The following KCNMA1 variants were observed in gnomAD, a reference collection of about 807,000 sequenced individuals.
The protein encoded by KCNMA1 is Calcium-activated potassium channel subunit alpha-1.
A neutral mutation model predicts 140.0 loss-of-function variants in KCNMA1; 29 were observed. The ratio of observed to expected loss-of-function variants is 0.21; its 90% CI spans 0.15 to 0.28. The LOEUF is 0.28. Ranked by LOEUF, KCNMA1 falls within the 10% of genes least tolerant of loss-of-function variation. The probability of loss-of-function intolerance (pLI) is 1.00; values close to 1 mark genes in which losing one functional copy is unlikely to be tolerated. For synonymous variants in KCNMA1, 612 were observed against 611.9 expected (o/e 1.00, Z 0.00); for missense variants, 880 against 1,602.2 (o/e 0.55, Z 7.70).
chr10:77,087,199 C>T (rs2096711602), intron 10 of KCNMA1, among the ~76,000 whole-genome samples: 1 of 152,140 alleles, frequency 6.6e-6, no homozygotes, highest in Non-Finnish European at 1.5e-5. Flanking sequence ...GGCTCTATGA[C>T]TCTCTGGCCC....
At chr10:76,934,781 T>C (rs574965781) in intron 23 of KCNMA1, among the ~76,000 whole-genome samples, 1 of 152,374 alleles carries the variant, frequency 6.6e-6, no homozygotes, top group Non-Finnish European at 1.5e-5. Flanking sequence ...ATTCTACAGC[T>C]GTGGTTTCCC....
intron 1 of KCNMA1, among the ~76,000 whole-genome samples, chr10:77,567,624 T>C (rs556030158): frequency 1.1e-4 from 16 of 152,280 alleles, no homozygotes; most frequent in African/African-American, 3.6e-4. Context: ...AACTATCTAA[T>C]TGAACCTTGG....
intron 1 of KCNMA1, among the ~76,000 whole-genome samples, chr10:77,481,606 CT>C (rs998174259): frequency 7.2e-5 from 11 of 151,918 alleles, no homozygotes; most frequent in African/African-American, 2.7e-4. Context: ...AAGCCCATCT[CT>C]ACTAAAAATA....
intron 2 of KCNMA1, among the ~76,000 whole-genome samples, chr10:77,252,711 G>C (rs547144): frequency 0.46 from 70,244 of 151,838 alleles, 16,737 homozygotes; most frequent in East Asian, 0.71. Flanking sequence ...TTGCAAAACT[G>C]CATGGAGCTC....
At chr10:77,483,565 C>T (rs2098426929) in intron 1 of KCNMA1, among the ~76,000 whole-genome samples, 1 of 152,178 alleles carries the variant, frequency 6.6e-6, no homozygotes, top group Admixed American at 6.5e-5. Flanking sequence ...CTACAGACAC[C>T]TCACTGGGCC....
At chr10:76,946,243 C>T (rs2063915452) in intron 22 of KCNMA1, among the ~76,000 whole-genome samples, 1 of 152,172 alleles carries the variant, frequency 6.6e-6, no homozygotes, top group Non-Finnish European at 1.5e-5. Context: ...CATGCCATAG[C>T]TCCCCAGTGG....
chr10:76,978,212 G>C (rs1565325795), intron 19 of KCNMA1, among the ~76,000 whole-genome samples: 1 of 152,162 alleles, frequency 6.6e-6, no homozygotes, highest in South Asian at 2.1e-4. Flanking sequence ...AAGCCAAACT[G>C]ATGAGTTTGT....
intron 2 of KCNMA1, among the ~76,000 whole-genome samples, chr10:77,339,563 G>T (rs1484303958): frequency 6.6e-6 from 1 of 152,116 alleles, no homozygotes; most frequent in Admixed American, 6.5e-5. Flanking sequence ...ACTCAGAATG[G>T]TGCCTCAAGT....
chr10:77,158,787 A>G (rs576809743), intron 5 of KCNMA1, among the ~76,000 whole-genome samples: 2 of 151,606 alleles, frequency 1.3e-5, no homozygotes, highest in African/African-American at 4.8e-5. Context: ...TTTCAAGGGA[A>G]GAAGGAGTTC....
chr10:77,272,723 G>T (rs2065511400), intron 2 of KCNMA1, among the ~76,000 whole-genome samples: 5 of 152,066 alleles, frequency 3.3e-5, no homozygotes, highest in Admixed American at 2.0e-4. Flanking sequence ...CTGTTTTCCA[G>T]TCCAAGTGTA....
chr10:77,236,977 T>C (rs1219417143), intron 3 of KCNMA1, among the ~76,000 whole-genome samples: 2 of 152,192 alleles, frequency 1.3e-5, no homozygotes, highest in African/African-American at 2.4e-5. Flanking sequence ...GTTTTTCCTT[T>C]CACAAACCAT....
At chr10:77,029,926 T>C (rs2093793128) in intron 15 of KCNMA1, among the ~76,000 whole-genome samples, 1 of 151,890 alleles carries the variant, frequency 6.6e-6, no homozygotes, top group Non-Finnish European at 1.5e-5. Flanking sequence ...GAGCAAGGAG[T>C]CTACAGCTTA....
intron 3 of KCNMA1, among the ~76,000 whole-genome samples, chr10:77,189,025 G>A (rs2098913050): frequency 6.6e-6 from 1 of 152,100 alleles, no homozygotes; most frequent in Non-Finnish European, 1.5e-5. Flanking sequence ...CTTCTCCAGG[G>A]TAGTGGTTCT....
Position 77,068,698 on chromosome 10 carries a change from T to TTGTGTGTGTGTGTGTGTG in KCNMA1, c.1749+4381_1749+4398dup, listed in dbSNP as rs199660003. Among the ~76,000 whole-genome samples the TTGTGTGTGTGTGTGTGTG allele has an allele frequency of 5.6e-3, 741 of 132,616 alleles. 14 individuals are homozygous for TTGTGTGTGTGTGTGTGTG. The highest frequency in any genetic ancestry group is 0.026 in the Middle Eastern group (7 of 274). The allele number at this position is 132,616 out of a possible 152,430, so 87.0% of individuals were successfully genotyped here. A position where few individuals can be genotyped will look rare whatever the true frequency, so the allele number is the denominator to read the frequency against. ...TGGAGAGCATACTGTGTTCCAGGTT[T>TTGTGTGTGTGTGTGTGTG]TGTGTGTGTGTGTGTGTGTGTGTGT... On this transcript the variant is annotated intron_variant, in intron 14 of 27. Coordinates refer to ENST00000286628, the MANE Select transcript of KCNMA1 (RefSeq NM_001161352.2).
chr10:76,986,415 A>G (rs2081283586), intron 19 of KCNMA1, among the ~76,000 whole-genome samples: 1 of 152,244 alleles, frequency 6.6e-6, no homozygotes, highest in Non-Finnish European at 1.5e-5. Flanking sequence ...AAGTGTCTCC[A>G]GTTATCCAGA....
In KCNMA1 at chr10:77,182,308, G is replaced by A. The variant is rs183767594; in HGVS notation, c.808+1113C>T. Among the ~76,000 whole-genome samples, 255 of 152,292 alleles carry A rather than the reference G, an allele frequency of 1.7e-3. No homozygotes were observed. The Middle Eastern group carries it at 0.02, about 12-fold the overall frequency. Reference sequence around the variant, plus strand: ...CATTAGGGTTATGGCTGAATATACTGCGATACAAACAAATTATGGAATTTT... The same window carrying A: ...CATTAGGGTTATGGCTGAATATACTACGATACAAACAAATTATGGAATTTT... On this transcript the variant is annotated intron_variant, in intron 5 of 27. Coordinates refer to ENST00000286628, the MANE Select transcript of KCNMA1 (RefSeq NM_001161352.2).
chr10:77,316,498 T>C (rs59640479), intron 2 of KCNMA1, among the ~76,000 whole-genome samples: 3,464 of 152,250 alleles, frequency 0.023, 142 homozygotes, highest in African/African-American at 0.078. Flanking sequence ...CCTGGAGGGA[T>C]TGTTCAAGCA....
chr10:77,112,869 C>A (rs942686061), intron 6 of KCNMA1, among the ~76,000 whole-genome samples: 5 of 151,284 alleles, frequency 3.3e-5, no homozygotes, highest in African/African-American at 4.9e-5. Flanking sequence ...TTTGCTAAAC[C>A]ATTTACCAAT....
At chr10:77,341,521 T>C (rs571110600) in intron 2 of KCNMA1, among the ~76,000 whole-genome samples, 2 of 152,322 alleles carry the variant, frequency 1.3e-5, no homozygotes, top group East Asian at 3.9e-4. Context: ...TTGCCTAATT[T>C]TCCCTCTCCC....
Sources: gnomAD v4.1 joint callset for allele counts (sites outside exome capture counted in the v4.1 genomes callset) on GRCh38, gnomAD v4.1.1 for gene constraint, MANE v1.5 for transcripts, NCBI Gene and HGNC (gene_info 2026-07-23, HGNC 2026-07-21) for gene names.